Variants in CNTN6 observed in about 807,000 individuals in gnomAD.
The protein encoded by CNTN6 is contactin 6.
CNTN6 carries 137 observed loss-of-function variants against 122.8 expected under a neutral mutation model. The ratio of observed to expected loss-of-function variants is 1.12; its 90% CI spans 0.97 to 1.29. CNTN6 has a LOEUF of 1.29. CNTN6 is among the 50% of genes most tolerant of loss of function. The pLI is 0.00. For missense variants in CNTN6, 1,634 were observed against 1,223.4 expected (o/e 1.34, Z -5.01); for synonymous variants, 570 against 426.0 (o/e 1.34, Z -4.16).
At chr3:1,309,419 G>C (rs1698885576) in intron 7 of CNTN6, among the ~76,000 whole-genome samples, 1 of 152,096 alleles carries the variant, frequency 6.6e-6, no homozygotes, top group Non-Finnish European at 1.5e-5. Flanking sequence ...TTGCTCCTTT[G>C]TCAAAGATAT....
intron 4 of CNTN6, among the ~76,000 whole-genome samples, chr3:1,261,260 A>C (rs186581857): frequency 7.4e-4 from 113 of 152,282 alleles, no homozygotes; most frequent in African/African-American, 2.6e-3. Context: ...TGGACTATGT[A>C]GTGTATTTAG....
chr3:1,365,470 CAT>C (rs1049857361), intron 12 of CNTN6, among the ~76,000 whole-genome samples: 1 of 151,862 alleles, frequency 6.6e-6, no homozygotes, highest in African/African-American at 2.4e-5. Flanking sequence ...GAATATATGA[CAT>C]ATTTATGTTG....
intron 11 of CNTN6, among the ~76,000 whole-genome samples, chr3:1,351,578 T>C (rs1705642417): frequency 6.6e-6 from 1 of 150,588 alleles, no homozygotes; most frequent in Non-Finnish European, 1.5e-5. Flanking sequence ...CTGATTTCAG[T>C]GGCATTGTGC....
At chr3:1,327,760 G>C (rs1338216037) in intron 10 of CNTN6, among the ~76,000 whole-genome samples, 174 bp downstream of exon 10, 1 of 151,638 alleles carries the variant, frequency 6.6e-6, no homozygotes, top group East Asian at 2.0e-4. Context: ...TATTCTGCTT[G>C]GGCAATGCAC....
chr3:1,387,710 G>A (rs985368532), intron 20 of CNTN6, among the ~76,000 whole-genome samples: 2 of 152,200 alleles, frequency 1.3e-5, no homozygotes, highest in Admixed American at 6.5e-5. Context: ...TGAGCGCACC[G>A]TGCGCAAGCC....
At position 1,200,190 on chromosome 3, in the gene CNTN6, C is replaced by T. The variant is rs562329388; in HGVS notation, c.56-20497C>T. 8.5e-5 allele frequency among the ~76,000 whole-genome samples: 13 copies of T among 152,298 alleles called. 1 individual carries two copies. The highest frequency in any genetic ancestry group is 2.2e-4 in the African/African-American group (9 of 41,562). ...GTGGGATTACAAGTGTGTGCCACCA[C>T]GCCTGGCTAATTTTTGTACCGTTAG... On this transcript the variant is annotated intron_variant, in intron 2 of 22. Transcript: ENST00000446702.
At chr3:1,271,937 T>C (rs2095034068) in intron 4 of CNTN6, among the ~76,000 whole-genome samples, 2 of 152,132 alleles carry the variant, frequency 1.3e-5, no homozygotes, top group Admixed American at 1.3e-4. Flanking sequence ...CCACATTAAA[T>C]TGTAGTTGCC....
intron 12 of CNTN6, among the ~76,000 whole-genome samples, chr3:1,371,240 T>C (rs939259734): frequency 1.2e-4 from 19 of 152,160 alleles, no homozygotes; most frequent in Non-Finnish European, 2.1e-4. Flanking sequence ...AAAGTGAAGA[T>C]TTTAGTCCAT....
chr3:1,253,958 C>A lies in CNTN6; in HGVS notation c.359-24455C>A, dbSNP rs570480823. Among the ~76,000 whole-genome samples the A allele has an allele frequency of 1.3e-4, 20 of 152,236 alleles. No homozygotes were observed. In the South Asian group the frequency reaches 4.2e-3, roughly 32 times the overall value. On this transcript the variant is annotated intron_variant, in intron 4 of 22. Transcript: ENST00000446702. ...TATGTATGTATACATTTTGCATGTG[C>A]TTACATGTCTCTGCGCACACACATA...
At chr3:1,397,462 A>C (rs900656434) in intron 20 of CNTN6, among the ~76,000 whole-genome samples, 1 of 152,128 alleles carries the variant, frequency 6.6e-6, no homozygotes, top group Non-Finnish European at 1.5e-5. Context: ...TTATTAAACA[A>C]ATATCAGTGA....
At chr3:1,140,919 T>C (rs1212998619) in intron 1 of CNTN6, among the ~76,000 whole-genome samples, 1 of 152,182 alleles carries the variant, frequency 6.6e-6, no homozygotes, top group African/African-American at 2.4e-5. Context: ...ATAACAATTA[T>C]CATAAGTGAT....
intron 11 of CNTN6, among the ~76,000 whole-genome samples, chr3:1,348,906 A>G (rs1358200302): frequency 6.6e-6 from 1 of 152,024 alleles, no homozygotes; most frequent in East Asian, 1.9e-4. Context: ...GTGCAGAACC[A>G]GCTCCCTATA....
At chr3:1,112,907 A>T (rs1192582486) in intron 1 of CNTN6, among the ~76,000 whole-genome samples, 1 of 152,114 alleles carries the variant, frequency 6.6e-6, no homozygotes, top group East Asian at 1.9e-4. Flanking sequence ...AACATAAGAA[A>T]TTTTCCAGAA....
intron 5 of CNTN6, among the ~76,000 whole-genome samples, chr3:1,294,447 G>T (rs185832941): frequency 7.9e-5 from 12 of 152,222 alleles, no homozygotes; most frequent in Admixed American, 5.2e-4. Context: ...GAAAAAAACA[G>T]GGGAGGATTT....
chr3:1,119,755 G>A (rs1345952015), intron 1 of CNTN6, among the ~76,000 whole-genome samples: 1 of 151,756 alleles, frequency 6.6e-6, no homozygotes, highest in Non-Finnish European at 1.5e-5. Flanking sequence ...ATAACAAAAT[G>A]CACACATTTT....
chr3:1,232,740 G>A (rs1437539316), intron 4 of CNTN6, among the ~76,000 whole-genome samples: 2 of 152,154 alleles, frequency 1.3e-5, no homozygotes, highest in African/African-American at 2.4e-5. Flanking sequence ...AAGTGAGAAA[G>A]GTGAAATTGA....
intron 11 of CNTN6, among the ~76,000 whole-genome samples, chr3:1,344,234 C>A (rs1704316730): frequency 6.6e-6 from 1 of 152,114 alleles, no homozygotes; most frequent in Non-Finnish European, 1.5e-5. Flanking sequence ...GGTCCACCTG[C>A]AGGGCAGCAA....
intron 4 of CNTN6, among the ~76,000 whole-genome samples, chr3:1,252,203 A>G (rs1441660434): frequency 1.3e-5 from 2 of 152,178 alleles, no homozygotes; most frequent in Admixed American, 6.6e-5. Context: ...TCTGCCAACA[A>G]TCACTTTCTC....
In CNTN6 at chr3:1,158,653, C is replaced by T. The variant is rs551902191; in HGVS notation, c.55+10590C>T. Among the ~76,000 whole-genome samples, 197 of 151,292 alleles carry T rather than the reference C, an allele frequency of 1.3e-3. 1 individual carries two copies. The highest frequency in any genetic ancestry group is 1.8e-3 in the Non-Finnish European group (121 of 67,850). ...AGTGGCAAGATCATAGCTCACTGCA[C>T]CCTCAAATTTGTGAGCTTGAACTAT... On this transcript the variant is annotated intron_variant, in intron 2 of 22. Transcript: ENST00000446702.
Sources: gnomAD v4.1 joint callset for allele counts (sites outside exome capture counted in the v4.1 genomes callset) on GRCh38, gnomAD v4.1.1 for gene constraint, MANE v1.5 for transcripts, NCBI Gene and HGNC (gene_info 2026-07-23, HGNC 2026-07-21) for gene names.